The following KIRREL3 variants were observed in gnomAD, a reference collection of about 807,000 sequenced individuals.
KIRREL3 encodes the protein kirre like nephrin family adhesion molecule 3.
A neutral mutation model predicts 89.7 loss-of-function variants in KIRREL3; 36 were observed. The observed-to-expected ratio is 0.40, with a 90% CI of 0.31 to 0.53. KIRREL3 has a LOEUF of 0.53. Among genes scored for constraint, KIRREL3 ranks in the 20% least tolerant of loss-of-function variants. The pLI is 0.49. For synonymous variants in KIRREL3, 445 were observed against 441.4 expected, an observed-to-expected ratio of 1.01 and a Z score of -0.10; for missense variants, 864 against 1,056.6, an observed-to-expected ratio of 0.82 and a Z score of 2.53.
chr11:126,617,721 C>G (rs994766506), intron 1 of KIRREL3, among the ~76,000 whole-genome samples: 2 of 152,188 alleles, frequency 1.3e-5, no homozygotes, highest in African/African-American at 4.8e-5. Context: ...GCAAGATAGG[C>G]ATTTTTATCC....
At chr11:126,446,275 T>C (rs12808265) in intron 9 of KIRREL3, among the ~76,000 whole-genome samples, 6 of 130,602 alleles carry the variant, frequency 4.6e-5, no homozygotes, top group African/African-American at 1.8e-4. Context: ...TCTCTCTTTC[T>C]TTTCTTTCTC....
At chr11:126,617,377 G>T (rs1160530780) in intron 1 of KIRREL3, among the ~76,000 whole-genome samples, 2 of 152,218 alleles carry the variant, frequency 1.3e-5, no homozygotes, top group African/African-American at 4.8e-5. Context: ...GAAGTTTGGG[G>T]CTGTATCTAG....
Position 126,977,927 on chromosome 11 carries a change from G to C in KIRREL3, c.55+22528C>G, listed in dbSNP as rs1423724725. ...TTTCCTGTGTACCACACAGTCAGAG[G>C]CATCCCTGTCTCCTTTTTCTTGGTG... On this transcript the variant is annotated intron_variant, in intron 1 of 16. Coordinates refer to ENST00000525144, the MANE Select transcript of KIRREL3 (RefSeq NM_032531.4). The surrounding 1 kb of genome is among the most constrained non-coding windows in gnomAD (Gnocchi z 4.7). Among the ~76,000 whole-genome samples the C allele has an allele frequency of 6.6e-6, 1 of 152,076 alleles. No homozygotes were observed. Among genetic ancestry groups the C allele is most frequent in the African/African-American group, 2.4e-5 (1 of 41,398 alleles).
chr11:126,972,168 T>TAGAGAGAG (rs61426707), intron 1 of KIRREL3, among the ~76,000 whole-genome samples: 5,426 of 119,796 alleles, frequency 0.045, 189 homozygotes, highest in East Asian at 0.079. Context: ...GAGGGTCTGG[T>TAGAGAGAG]AGAGAGAGAG....
rs891606087 is a variant in KIRREL3 at position 126,640,147 on chromosome 11, T to C, written c.56-77235A>G. ...TGCATTGTACTAAAAAAATAAGGCA[T>C]AGAAGCTCTATGATTTTCTGTCTAT... On this transcript the variant is annotated intron_variant, in intron 1 of 16. Transcript: ENST00000525144. The surrounding 1 kb of genome is among the most constrained non-coding windows in gnomAD (Gnocchi z 4.9). Among the ~76,000 whole-genome samples, 1 of 152,134 alleles carries C rather than the reference T, an allele frequency of 6.6e-6. No homozygotes were observed. The highest frequency in any genetic ancestry group is 2.1e-4 in the South Asian group (1 of 4,818).
In KIRREL3 at chr11:126,491,748, C is replaced by G. The variant is rs538999843; in HGVS notation, c.434-18282G>C. ...ACGGAGTCTTGCTCTGTCACCCAAG[C>G]TGGAGTTCAGTGGCATGATCTCGGC... is the stretch of plus-strand genomic sequence containing the variant. On this transcript the variant is annotated intron_variant, in intron 4 of 16. Transcript: ENST00000525144. The surrounding 1 kb of genome is among the most constrained non-coding windows in gnomAD (Gnocchi z 5.5). 6.6e-6 allele frequency among the ~76,000 whole-genome samples: 1 copy of G among 152,194 alleles called. No homozygotes were observed. The highest frequency in any genetic ancestry group is 2.1e-4 in the South Asian group (1 of 4,812).
rs529735557 is a variant in KIRREL3, at chr11:126,641,472, A to G, written c.56-78560T>C. 6.4e-4 allele frequency among the ~76,000 whole-genome samples: 98 copies of G among 152,262 alleles called. 2 individuals carry two copies. The South Asian group carries it at 0.02, about 31-fold the overall frequency. On this transcript the variant is annotated intron_variant, in intron 1 of 16. Transcript: ENST00000525144. This position sits in a 1 kb window ranked among gnomAD's most constrained non-coding sequence, Gnocchi z 5.0. ...TCTGGCTACAAATACCTGAGGTAAA[A>G]GGATACCTTTGACATTAGCAACAAC...
chr11:126,913,338 C>T (rs1201692243), intron 1 of KIRREL3, among the ~76,000 whole-genome samples: 1 of 152,242 alleles, frequency 6.6e-6, no homozygotes, highest in Admixed American at 6.5e-5. Flanking sequence ...ATTTAACCTC[C>T]TCATCACTAT....
rs1389397964 is a variant in KIRREL3, at chr11:126,709,103, T to C, written c.56-146191A>G. Among the ~76,000 whole-genome samples, 2 of 152,222 alleles carry C rather than the reference T, an allele frequency of 1.3e-5. No individual in the cohort carries two copies. Among genetic ancestry groups the C allele is most frequent in the African/African-American group, 4.8e-5 (2 of 41,458 alleles). On this transcript the variant is annotated intron_variant, in intron 1 of 16. Transcript: ENST00000525144. This position sits in a 1 kb window ranked among gnomAD's most constrained non-coding sequence, Gnocchi z 4.0. ...CAGAGAAGGAGAGGAGAGCCTACAC[T>C]GTGCTGGGTCACTGTGTTACGCTAT...
At chr11:127,000,845 T>A (rs371693296), upstream of KIRREL3, 1 of 430,684 alleles carries the variant, frequency 2.3e-6, no homozygotes, top group East Asian at 3.5e-5. The surrounding 1 kb of genome is among the most constrained non-coding windows in gnomAD (Gnocchi z 7.1). Context: ...TAGTGACGAG[T>A]GACAGAAGGA....
intron 4 of KIRREL3, among the ~76,000 whole-genome samples, chr11:126,503,440 G>A (rs1356796845): frequency 6.6e-6 from 1 of 152,150 alleles, no homozygotes; most frequent in Non-Finnish European, 1.5e-5. Flanking sequence ...TTGAGGGGGA[G>A]GGGTTCTGAT....
At position 126,430,210 on chromosome 11, in the gene KIRREL3, C is replaced by T. The variant is rs1359234050; in HGVS notation, c.1697-922G>A. On this transcript the variant is annotated intron_variant, in intron 14 of 16. Transcript: ENST00000525144. The surrounding 1 kb of genome is among the most constrained non-coding windows in gnomAD (Gnocchi z 6.6). ...CTGTAATCCCAGCACATTGGGAGGC[C>T]GAGGAAGGCGGACCACTTGAGGCCA... Among the ~76,000 whole-genome samples the T allele has an allele frequency of 1.3e-5, 2 of 151,624 alleles. No homozygotes were observed. The highest frequency in any genetic ancestry group is 6.6e-5 in the Admixed American group (1 of 15,240).
intron 1 of KIRREL3, among the ~76,000 whole-genome samples, chr11:126,637,183 T>C (rs907199790): frequency 1.3e-5 from 2 of 152,214 alleles, no homozygotes; most frequent in African/African-American, 4.8e-5. Flanking sequence ...TAGCTGGACC[T>C]ATTTTTGGAG....
At chr11:126,549,739 G>A (rs1939107486) in intron 2 of KIRREL3, 1 of 152,178 alleles carries the variant, frequency 6.6e-6, no homozygotes, top group Non-Finnish European at 1.5e-5. Flanking sequence ...TCTTGCCAGT[G>A]GCTGCTGTCC....
At position 126,893,018 on chromosome 11, in the gene KIRREL3, C is replaced by T. The variant is rs530305488; in HGVS notation, c.55+107437G>A. Among the ~76,000 whole-genome samples the T allele has an allele frequency of 8.9e-4, 135 of 152,262 alleles. 1 individual carries two copies. The Middle Eastern group carries it at 0.024, about 27-fold the overall frequency. ...TTTTCATGCTGTGGTTGGATTTTGA[C>T]GCTGTCGTAATTTCCCCCGTTGTTT... On this transcript the variant is annotated intron_variant, in intron 1 of 16. Transcript: ENST00000525144.
chr11:126,822,313 G>T (rs866961441), intron 1 of KIRREL3, among the ~76,000 whole-genome samples: 1 of 152,200 alleles, frequency 6.6e-6, no homozygotes, highest in Middle Eastern at 3.2e-3. Flanking sequence ...TGGCCATGTA[G>T]TATGTTCTCA....
At chr11:126,827,031 G>C (rs537308055) in intron 1 of KIRREL3, among the ~76,000 whole-genome samples, 2 of 152,202 alleles carry the variant, frequency 1.3e-5, no homozygotes, top group African/African-American at 4.8e-5. Context: ...CTTTTGGGGT[G>C]CTCCCCACCC....
In KIRREL3 at chr11:126,627,821, T is replaced by C. The variant is rs1420040132; in HGVS notation, c.56-64909A>G. On this transcript the variant is annotated intron_variant, in intron 1 of 16. Coordinates refer to ENST00000525144, the MANE Select transcript of KIRREL3 (RefSeq NM_032531.4). The surrounding 1 kb of genome is among the most constrained non-coding windows in gnomAD (Gnocchi z 5.0). ...AACTCACAGGCCCCAGTGGAGGGCT[T>C]GGATCTGAGCACCATGAGCCTCTCT... Among the ~76,000 whole-genome samples, 1 of 152,132 alleles carries C rather than the reference T, an allele frequency of 6.6e-6. No individual in the cohort carries two copies. Among genetic ancestry groups the C allele is most frequent in the African/African-American group, 2.4e-5 (1 of 41,414 alleles).
intron 1 of KIRREL3, among the ~76,000 whole-genome samples, chr11:126,957,122 CT>C (rs1948945170): frequency 6.6e-6 from 1 of 152,174 alleles, no homozygotes; most frequent in Admixed American, 6.5e-5. Context: ...GAGTTCAGCC[CT>C]GTGAGGACAC....
Sources: allele counts gnomAD v4.1 joint callset (sites outside exome capture counted in the v4.1 genomes callset), GRCh38; gene constraint gnomAD v4.1.1; non-coding constraint Gnocchi (gnomAD v3.1); transcripts MANE v1.5; gene names NCBI Gene and HGNC (gene_info 2026-07-23, HGNC 2026-07-21).